GNA13: variants seen among roughly 807,000 people sequenced by gnomAD.
GNA13 encodes guanine nucleotide-binding protein subunit alpha-13.
Under a neutral mutation model 33.5 loss-of-function variants are expected in GNA13, and 4 were observed. The ratio of observed to expected loss-of-function variants is 0.12; its 90% CI spans 0.06 to 0.27. GNA13 has a LOEUF of 0.27. Ranked by LOEUF, GNA13 falls within the 10% of genes least tolerant of loss-of-function variation. GNA13 has a pLI of 1.00. For synonymous variants in GNA13, 176 were observed against 183.8 expected (o/e 0.96, Z 0.34); for missense variants, 319 against 487.2 (o/e 0.65, Z 3.25).
At chr17:65,028,201 G>C (rs1186849285) in intron 2 of GNA13, among the ~76,000 whole-genome samples, 1 of 152,154 alleles carries the variant, frequency 6.6e-6, no homozygotes, top group Non-Finnish European at 1.5e-5. Flanking sequence ...ACTCCAGCCT[G>C]GGTGACAGAG....
Position 65,013,378 on chromosome 17 carries a change from G to T in GNA13, c.*879C>A. The T allele has an allele frequency of 4.8e-6, 1 of 210,060 alleles. No homozygotes were observed. The allele number at this position is 210,060 out of a possible 1,614,324, so 13.0% of individuals were successfully genotyped here. A position where few individuals can be genotyped will look rare whatever the true frequency, so the allele number is the denominator to read the frequency against. ...TGACCAACTGAGATAGGGCTTAAAAGTCAAATACATGACATTCTGGAACAG... is the reference window on the plus strand; with the variant it reads ...TGACCAACTGAGATAGGGCTTAAAATTCAAATACATGACATTCTGGAACAG... On this transcript the variant is annotated 3_prime_UTR_variant, in exon 4 of 4. Transcript: ENST00000439174.
intron 2 of GNA13, among the ~76,000 whole-genome samples, chr17:65,029,515 C>T (rs1906922900): frequency 6.6e-6 from 1 of 152,198 alleles, no homozygotes; most frequent in South Asian, 2.1e-4. Flanking sequence ...GTTTCAGTGG[C>T]AGAACCAAGA....
chr17:65,042,338 C>G (rs912199200), intron 2 of GNA13, among the ~76,000 whole-genome samples: 1 of 127,060 alleles, frequency 7.9e-6, no homozygotes, highest in African/African-American at 3.0e-5. Flanking sequence ...GCCTGGGTAA[C>G]AAGAGTGAAA....
At chr17:65,034,385 T>C (rs950575956) in intron 2 of GNA13, among the ~76,000 whole-genome samples, 2 of 152,038 alleles carry the variant, frequency 1.3e-5, no homozygotes, top group East Asian at 3.8e-4. Context: ...TAATTTTTTT[T>C]TTTTTTTGAG....
chr17:65,014,746 A>T lies in GNA13; in HGVS notation c.645T>A (p.Asn215Lys). 2 of 1,613,812 alleles carry T rather than the reference A, an allele frequency of 1.2e-6. No homozygotes were observed. The highest frequency in any genetic ancestry group is 1.7e-6 in the Non-Finnish European group (2 of 1,179,728). ...CTACATCAACCATTTTGAAAGGAAC[A>T]TTTTTTATTTCAAAGTCGTATTCAT... ...GIHEYDFEIK[N>K]VPFKMVDVGG... The change falls in exon 4 of 4, where the codon AAT (asparagine) becomes AAA (lysine). Residue 215 changes from asparagine to lysine, a missense_variant. Transcript: ENST00000439174. The surrounding 1 kb of genome is among the most constrained non-coding windows in gnomAD (Gnocchi z 5.3).
chr17:65,030,422 C>T (rs1048085565), intron 2 of GNA13, among the ~76,000 whole-genome samples: 2 of 152,154 alleles, frequency 1.3e-5, no homozygotes, highest in Non-Finnish European at 2.9e-5. Context: ...TGATTAATAC[C>T]GGAAATCTGA....
At chr17:65,026,418 T>G (rs1175401387) in intron 2 of GNA13, among the ~76,000 whole-genome samples, 1 of 152,242 alleles carries the variant, frequency 6.6e-6, no homozygotes, top group African/African-American at 2.4e-5. Flanking sequence ...AAATACTCTA[T>G]GGCTTAGATG....
chr17:65,043,065 G>C (rs1015291012), intron 2 of GNA13, among the ~76,000 whole-genome samples: 7 of 152,058 alleles, frequency 4.6e-5, no homozygotes, highest in Admixed American at 1.3e-4. Flanking sequence ...CCTAATAATA[G>C]ATCATTCTCA....
chr17:65,037,125 T>C (rs1005396177), intron 2 of GNA13, among the ~76,000 whole-genome samples: 5 of 152,184 alleles, frequency 3.3e-5, no homozygotes, highest in Admixed American at 2.0e-4. Context: ...AAGAATAAAG[T>C]GAAAAACTCT....
intron 2 of GNA13, among the ~76,000 whole-genome samples, chr17:65,020,241 G>C (rs1297424579): frequency 2.0e-5 from 3 of 152,128 alleles, no homozygotes; most frequent in African/African-American, 7.2e-5. Flanking sequence ...AAGTCTTCTT[G>C]TTTTCTAATA....
intron 2 of GNA13, among the ~76,000 whole-genome samples, chr17:65,031,921 A>AGAGAGT (rs770161529): frequency 1.7e-3 from 152 of 91,594 alleles, no homozygotes; most frequent in Non-Finnish European, 2.3e-3. Flanking sequence ...AGAGAGAGAG[A>AGAGAGT]GTGTGTGTGT....
At chr17:65,015,466 T>C (rs537600967) in intron 3 of GNA13, among the ~76,000 whole-genome samples, 1 of 151,912 alleles carries the variant, frequency 6.6e-6, no homozygotes, top group East Asian at 1.9e-4. Flanking sequence ...ATTGAGACCA[T>C]CCTGGCTAAC....
intron 2 of GNA13, among the ~76,000 whole-genome samples, chr17:65,037,024 C>T (rs754549111): frequency 2.6e-5 from 4 of 152,164 alleles, no homozygotes; most frequent in African/African-American, 4.8e-5. Context: ...GTATTCAGTA[C>T]ATGTTTGCTG....
At chr17:65,023,964 A>G (rs1322718196) in intron 2 of GNA13, among the ~76,000 whole-genome samples, 2 of 152,212 alleles carry the variant, frequency 1.3e-5, no homozygotes, top group African/African-American at 4.8e-5. Flanking sequence ...TAAAAATCAT[A>G]TGCTATGGCT....
intron 1 of GNA13, 109 bp from the exon 2 acceptor site, chr17:65,053,837 CCTT>C (rs1445289085): frequency 2.9e-6 from 2 of 697,804 alleles, no homozygotes; most frequent in Non-Finnish European, 4.9e-6. Flanking sequence ...CCTAGACAAA[CCTT>C]CTTCAAAAAT....
At position 65,011,937 on chromosome 17, in the gene GNA13, T is replaced by TTTATAC. The variant is rs1567814843; in HGVS notation, c.*2319_*2320insGTATAA. 2 of 225,470 alleles carry TTTATAC rather than the reference T, an allele frequency of 8.9e-6. No homozygotes were observed. Among genetic ancestry groups the TTTATAC allele is most frequent in the Non-Finnish European group, 1.8e-5 (2 of 113,342 alleles). 14.0% of individuals were successfully genotyped at this position (225,470 alleles called of 1,614,324 possible). Reference sequence around the variant, plus strand: ...ATACAACGTATAAAAAAATGTGGACTGAAGCCTTTAGATTGAACTTAAAGT... The same window carrying TTTATAC: ...ATACAACGTATAAAAAAATGTGGACTTTATACGAAGCCTTTAGATTGAACTTAAAGT... On this transcript the variant is annotated 3_prime_UTR_variant, in exon 4 of 4. Coordinates refer to ENST00000439174, the MANE Select transcript of GNA13 (RefSeq NM_006572.6).
chr17:65,017,251 C>A (rs553955258), intron 3 of GNA13, among the ~76,000 whole-genome samples: 1 of 152,262 alleles, frequency 6.6e-6, no homozygotes, highest in Admixed American at 6.5e-5. Flanking sequence ...ATAAAAAGTT[C>A]TCTATTATTG....
At chr17:65,034,630 T>C (rs959313804) in intron 2 of GNA13, among the ~76,000 whole-genome samples, 3 of 152,112 alleles carry the variant, frequency 2.0e-5, no homozygotes, top group Admixed American at 2.0e-4. Context: ...CCAAGTGTTC[T>C]AGGAGTATTT....
Position 65,056,404 on chromosome 17 carries a change from A to C in GNA13, c.190T>G (p.Phe64Val). 6.2e-7 allele frequency: 1 copy of C among 1,613,708 alleles called. No individual in the cohort carries two copies. Among genetic ancestry groups the C allele is most frequent in the Non-Finnish European group, 8.5e-7 (1 of 1,179,886 alleles). The change falls in exon 1 of 4, where the codon TTC becomes GTC. Residue 64 changes from phenylalanine to valine, a missense_variant. By Grantham distance (50) the Phe-to-Val change is conservative (BLOSUM62 -1). This residue lies in a region of GNA13 where 2 missense variants were observed against 21.8 expected (regional missense o/e 0.09). Coordinates refer to ENST00000439174, the MANE Select transcript of GNA13 (RefSeq NM_006572.6). ...LGAGESGKST[F>V]LKQMRIIHGQ... ...TGGATGATCCGCATCTGCTTCAGGAAGGTGGACTTGCCGCTCTCGCCCGCG... is the reference window on the plus strand; with the variant it reads ...TGGATGATCCGCATCTGCTTCAGGACGGTGGACTTGCCGCTCTCGCCCGCG...
Sources: gnomAD v4.1 joint callset for allele counts (sites outside exome capture counted in the v4.1 genomes callset) on GRCh38, gnomAD v4.1.1 for gene constraint, gnomAD v4.1.1 regional missense constraint, Gnocchi (gnomAD v3.1) non-coding constraint, MANE v1.5 for transcripts, NCBI Gene and HGNC (gene_info 2026-07-23, HGNC 2026-07-21) for gene names.